The following LIN52 variants were observed in gnomAD, a reference collection of about 807,000 sequenced individuals.
LIN52 encodes protein lin-52 homolog.
A neutral mutation model predicts 18.5 loss-of-function variants in LIN52; 4 were observed. The ratio of observed to expected loss-of-function variants is 0.22; its 90% CI spans 0.11 to 0.49. The LOEUF (loss-of-function observed/expected upper bound fraction) is 0.49. LIN52 is among the 20% of genes least tolerant of loss of function. The pLI is 0.97. For synonymous variants in LIN52, 34 were observed against 45.5 expected (o/e 0.75, Z 1.02); for missense variants, 102 against 139.5 (o/e 0.73, Z 1.35).
chr14:74,175,417 A>T (rs1314145338), intron 5 of LIN52, among the ~76,000 whole-genome samples: 1 of 151,918 alleles, frequency 6.6e-6, no homozygotes, highest in Non-Finnish European at 1.5e-5. Context: ...GGTTGCAGTG[A>T]GCCATGATCA....
intron 5 of LIN52, among the ~76,000 whole-genome samples, chr14:74,189,383 C>G (rs967619751): frequency 2.0e-5 from 3 of 152,096 alleles, no homozygotes; most frequent in African/African-American, 7.2e-5. Flanking sequence ...GATCTCATTG[C>G]CTTTCATTCA....
intron 5 of LIN52, among the ~76,000 whole-genome samples, chr14:74,110,153 A>G (rs1209335602): frequency 6.6e-6 from 1 of 152,212 alleles, no homozygotes; most frequent in Non-Finnish European, 1.5e-5. Context: ...ACTTTGATAT[A>G]AGTAGTTGCT....
At chr14:74,135,144 G>A (rs1485955356) in intron 5 of LIN52, among the ~76,000 whole-genome samples, 2 of 152,000 alleles carry the variant, frequency 1.3e-5, no homozygotes, top group South Asian at 2.1e-4. Flanking sequence ...TGCTCACTAC[G>A]ATCTCCGCTT....
chr14:74,086,779 G>A (rs1179019324), intron 1 of LIN52, among the ~76,000 whole-genome samples: 2 of 152,146 alleles, frequency 1.3e-5, no homozygotes, highest in African/African-American at 4.8e-5. Flanking sequence ...TAAAAAGTCA[G>A]GCAAGGGAAT....
chr14:74,187,625 C>A (rs1037757190), intron 5 of LIN52, among the ~76,000 whole-genome samples: 1 of 152,094 alleles, frequency 6.6e-6, no homozygotes, highest in Non-Finnish European at 1.5e-5. Flanking sequence ...TATTTCTAGC[C>A]TTTTCAAATT....
chr14:74,179,885 G>A (rs1391472586), intron 5 of LIN52, among the ~76,000 whole-genome samples: 1 of 152,090 alleles, frequency 6.6e-6, no homozygotes, highest in Non-Finnish European at 1.5e-5. Context: ...GGATAATATA[G>A]GCTAATGGTT....
At chr14:74,103,469 G>C (rs1555380401) in intron 5 of LIN52, among the ~76,000 whole-genome samples, 2 of 100,228 alleles carry the variant, frequency 2.0e-5, no homozygotes, top group African/African-American at 8.3e-5. Context: ...TTTTGCTCTT[G>C]TTGCCCAGGC....
rs60487392 is a variant in LIN52 at position 74,144,127 on chromosome 14, A to AT, written c.283+42904dup. On this transcript the variant is annotated intron_variant, in intron 5 of 5. Transcript: ENST00000555028. ...ACACATGACAAGGTTTTATTCTTCAATTTTTTTTTTTTTTTAAGACAGGGT... is the reference window on the plus strand; with the variant it reads ...ACACATGACAAGGTTTTATTCTTCAATTTTTTTTTTTTTTTTAAGACAGGGT... Among the ~76,000 whole-genome samples, 142 of 146,870 alleles carry AT rather than the reference A, an allele frequency of 9.7e-4. 2 individuals are homozygous for AT. Among genetic ancestry groups the AT allele is most frequent in the Non-Finnish European group, 1.4e-3 (94 of 66,504 alleles).
chr14:74,086,003 A>T (rs1206027455), intron 1 of LIN52, among the ~76,000 whole-genome samples: 2 of 151,790 alleles, frequency 1.3e-5, no homozygotes, highest in Non-Finnish European at 2.9e-5. Context: ...TGACTCAAAC[A>T]TATAAACATT....
At chr14:74,110,669 CA>C (rs1042889254) in intron 5 of LIN52, among the ~76,000 whole-genome samples, 17 of 136,788 alleles carry the variant, frequency 1.2e-4, no homozygotes, top group Admixed American at 1.5e-4. Context: ...GACTCCATCT[CA>C]AAAAAAAAAG....
At chr14:74,198,796 G>A in intron 5 of LIN52, 126 bp from the exon 6 acceptor site, 1 of 706,198 alleles carries the variant, frequency 1.4e-6, no homozygotes. Context: ...GGTGATGATT[G>A]AATCTGTTGT....
At chr14:74,130,697 C>T (rs915735733) in intron 5 of LIN52, among the ~76,000 whole-genome samples, 29 of 139,222 alleles carry the variant, frequency 2.1e-4, no homozygotes, top group Non-Finnish European at 3.2e-4. Context: ...TCAAGTGATT[C>T]TCGTGCCTCA....
chr14:74,166,083 G>A (rs1490809565), intron 5 of LIN52, among the ~76,000 whole-genome samples: 1 of 151,118 alleles, frequency 6.6e-6, no homozygotes, highest in African/African-American at 2.4e-5. Context: ...TGGAGACGGG[G>A]TTTCTCCATG....
chr14:74,148,966 T>C (rs1243376284), intron 5 of LIN52, among the ~76,000 whole-genome samples: 1 of 152,246 alleles, frequency 6.6e-6, no homozygotes, highest in Non-Finnish European at 1.5e-5. Context: ...TGATTTCAGC[T>C]TTCCATGGTG....
intron 5 of LIN52, among the ~76,000 whole-genome samples, chr14:74,158,969 A>G (rs1191589236): frequency 6.6e-6 from 1 of 152,158 alleles, no homozygotes; most frequent in Admixed American, 6.6e-5. Flanking sequence ...TTTTCCTCCC[A>G]GGTCTCTCTA....
intron 5 of LIN52, among the ~76,000 whole-genome samples, chr14:74,112,204 A>G (rs191951871): frequency 1.3e-5 from 2 of 152,172 alleles, no homozygotes; most frequent in Admixed American, 6.5e-5. Context: ...TTACCAGACT[A>G]CTTGCCTAGC....
At chr14:74,098,023 TTTTCCATG>T (rs1486412414) in intron 4 of LIN52, among the ~76,000 whole-genome samples, 163 bp downstream of exon 4, 1 of 152,182 alleles carries the variant, frequency 6.6e-6, no homozygotes, top group East Asian at 1.9e-4. Flanking sequence ...CTTCTCTACC[TTTTCCATG>T]TGTAGAAATC....
intron 5 of LIN52, among the ~76,000 whole-genome samples, chr14:74,155,364 A>T (rs2061195096): frequency 6.6e-6 from 1 of 152,246 alleles, no homozygotes; most frequent in African/African-American, 2.4e-5. Flanking sequence ...CGCCTCAGGA[A>T]TTCACCCTGG....
chr14:74,122,222 AATTGT>A lies in LIN52; in HGVS notation c.283+20990_283+20994del, dbSNP rs1403905766. Among the ~76,000 whole-genome samples, 4 of 152,184 alleles carry A rather than the reference AATTGT, an allele frequency of 2.6e-5. No homozygotes were observed. The East Asian group carries it at 5.8e-4, about 22-fold the overall frequency. Reference sequence around the variant, plus strand: ...TTTTATTATGGATTGAAAATCAGATAATTGTATTGTGTTAAATTTTTTGAGTTTGT... The same window carrying A: ...TTTTATTATGGATTGAAAATCAGATAATTGTGTTAAATTTTTTGAGTTTGT... On this transcript the variant is annotated intron_variant, in intron 5 of 5. Transcript: ENST00000555028.
Sources: gnomAD v4.1 joint callset for allele counts (sites outside exome capture counted in the v4.1 genomes callset) on GRCh38, gnomAD v4.1.1 for gene constraint, MANE v1.5 for transcripts, NCBI Gene and HGNC (gene_info 2026-07-23, HGNC 2026-07-21) for gene names.